Variants in ALKBH1 observed in about 807,000 individuals in gnomAD.
The protein encoded by ALKBH1 is nucleic acid dioxygenase ALKBH1.
Under a neutral mutation model 36.6 loss-of-function variants are expected in ALKBH1, and 31 were observed. The ratio of observed to expected loss-of-function variants is 0.85; its 90% CI spans 0.64 to 1.14. The LOEUF (loss-of-function observed/expected upper bound fraction) is 1.14. ALKBH1 is among the 50% of genes most tolerant of loss of function. The pLI is 0.00. For synonymous variants in ALKBH1, 183 were observed against 186.6 expected (o/e 0.98, Z 0.16); for missense variants, 490 against 497.3 (o/e 0.99, Z 0.14).
intron 2 of ALKBH1, among the ~76,000 whole-genome samples, chr14:77,703,661 G>A (rs1373434721): frequency 2.0e-5 from 3 of 147,644 alleles, no homozygotes; most frequent in Non-Finnish European, 3.0e-5. Flanking sequence ...GCAATGGCGC[G>A]ATCTTGGCTC....
chr14:77,690,509 G>A (rs1196368199), intron 3 of ALKBH1, among the ~76,000 whole-genome samples: 1 of 152,220 alleles, frequency 6.6e-6, no homozygotes, highest in Non-Finnish European at 1.5e-5. Context: ...TGCTATGAAG[G>A]GAGGCTGGTT....
rs2080189666 is a variant in ALKBH1 at position 77,673,883 on chromosome 14, T to C, written c.1099A>G (p.Thr367Ala). The change falls in exon 6 of 6, where the codon ACA becomes GCA. Residue 367 changes from threonine to alanine, a missense_variant. Coordinates refer to ENST00000216489, the MANE Select transcript of ALKBH1 (RefSeq NM_006020.3). ...PIEDEKRDIS[T>A]EGFCHLDDQN... ...TCATCCAGATGGCAGAAACCTTCTGTACTGATGTCTCTTTTTTCATCCTCG... is the reference window on the plus strand; with the variant it reads ...TCATCCAGATGGCAGAAACCTTCTGCACTGATGTCTCTTTTTTCATCCTCG... The C allele has an allele frequency of 6.2e-7, 1 of 1,614,252 alleles. No individual in the cohort carries two copies. The highest frequency in any genetic ancestry group is 8.5e-7 in the Non-Finnish European group (1 of 1,180,046).
At chr14:77,678,292 C>T (rs1288453191) in intron 4 of ALKBH1, among the ~76,000 whole-genome samples, 1 of 152,096 alleles carries the variant, frequency 6.6e-6, no homozygotes, top group Admixed American at 6.5e-5. Flanking sequence ...CATTTCCCCT[C>T]AAAAAATATC....
Position 77,700,033 on chromosome 14 carries a change from C to T in ALKBH1, c.292+4336G>A, listed in dbSNP as rs1031722995. ...TCACACCACTGCACTCCAGCCTGGG[C>T]GACAAGCAAGACTCTGTCTCAAAAA... On this transcript the variant is annotated intron_variant, in intron 2 of 5. Coordinates refer to ENST00000216489, the MANE Select transcript of ALKBH1 (RefSeq NM_006020.3). Among the ~76,000 whole-genome samples the T allele has an allele frequency of 5.3e-5, 8 of 151,614 alleles. No individual in the cohort carries two copies. The South Asian group carries it at 6.3e-4, about 12-fold the overall frequency.
chr14:77,693,723 C>T (rs1299254081), intron 3 of ALKBH1, among the ~76,000 whole-genome samples: 3 of 152,130 alleles, frequency 2.0e-5, no homozygotes, highest in African/African-American at 4.8e-5. Context: ...CTTGGTGGCT[C>T]ACGCCTGTAG....
chr14:77,695,323 G>A (rs914699655), intron 2 of ALKBH1, among the ~76,000 whole-genome samples: 4 of 152,212 alleles, frequency 2.6e-5, no homozygotes, highest in South Asian at 2.1e-4. Flanking sequence ...AATGAATGGC[G>A]TGCTCATTAT....
At chr14:77,707,681 T>A (rs1273936119) in intron 1 of ALKBH1, 141 bp downstream of exon 1, 1 of 924,540 alleles carries the variant, frequency 1.1e-6, no homozygotes, top group Non-Finnish European at 1.5e-6. Flanking sequence ...TAGTGGGGAG[T>A]TCGACTCTGC....
At chr14:77,692,988 C>T (rs1338942554) in intron 3 of ALKBH1, among the ~76,000 whole-genome samples, 1 of 151,636 alleles carries the variant, frequency 6.6e-6, no homozygotes, top group African/African-American at 2.4e-5. Flanking sequence ...GGCAGATCAC[C>T]TGAGGTCGGG....
chr14:77,697,452 C>A, intron 2 of ALKBH1: 1 of 159,778 alleles, frequency 6.3e-6, no homozygotes, highest in Non-Finnish European at 1.4e-5. Flanking sequence ...GGTGGTTGAA[C>A]TTGGAGGTGT....
intron 1 of ALKBH1, among the ~76,000 whole-genome samples, chr14:77,705,155 C>T (rs1025413275): frequency 2.0e-5 from 3 of 152,164 alleles, no homozygotes; most frequent in African/African-American, 7.2e-5. Flanking sequence ...TGGCTCACGC[C>T]TGTAATCCCA....
In ALKBH1 at chr14:77,674,032, G is replaced by C. The variant is rs892694885; in HGVS notation, c.950C>G (p.Ser317Ter). The change falls in exon 6 of 6, where the codon TCA becomes TGA. Residue 317 changes from serine to a stop codon, truncating the protein, a stop_gained. Transcript: ENST00000216489. LOFTEE classifies it high-confidence loss of function. ...APLPAVLPRD[S>*]MVEPCSMEDW... is the part of the protein sequence containing the mutation. ...CTCCATAGAACAAGGCTCTACCATTGAATCTCTCGGGAGGACAGCAGGGAG... is the reference window on the plus strand; with the variant it reads ...CTCCATAGAACAAGGCTCTACCATTCAATCTCTCGGGAGGACAGCAGGGAG... 38 of 1,614,192 alleles carry C rather than the reference G, an allele frequency of 2.4e-5. No homozygotes were observed. The highest frequency in any genetic ancestry group is 2.8e-5 in the Non-Finnish European group (33 of 1,180,034).
intron 4 of ALKBH1, 140 bp downstream of exon 4, chr14:77,679,740 T>C (rs1250989487): frequency 3.0e-6 from 2 of 668,724 alleles, no homozygotes; most frequent in Non-Finnish European, 5.0e-6. Context: ...CCAGTTGAGA[T>C]TTTTTAAGGA....
intron 3 of ALKBH1, among the ~76,000 whole-genome samples, chr14:77,687,059 G>C (rs765191297): frequency 6.6e-6 from 1 of 152,182 alleles, no homozygotes; most frequent in Non-Finnish European, 1.5e-5. Flanking sequence ...CAAATATTCA[G>C]TCTTATCTAA....
rs200488919 is a variant in ALKBH1, at chr14:77,703,593, C to CTTTTT, written c.292+771_292+775dup. ...TACAGGCGTGAGCTACTGCGTCCAG[C>CTTTTT]TTTTTTTTTTTTTTTTTTTTTGAGA... On this transcript the variant is annotated intron_variant, in intron 2 of 5. Coordinates refer to ENST00000216489, the MANE Select transcript of ALKBH1 (RefSeq NM_006020.3). Among the ~76,000 whole-genome samples, 307 of 112,828 alleles carry CTTTTT rather than the reference C, an allele frequency of 2.7e-3. 5 individuals are homozygous for CTTTTT. Among genetic ancestry groups the CTTTTT allele is most frequent in the East Asian group, 5.0e-3 (18 of 3,594 alleles). The allele number at this position is 112,828 out of a possible 152,430, so 74.0% of individuals were successfully genotyped here.
At position 77,675,758 on chromosome 14, in the gene ALKBH1, C is replaced by T. The variant is rs532846277; in HGVS notation, c.638G>A (p.Arg213Gln). The T allele has an allele frequency of 2.4e-5, 39 of 1,613,952 alleles. No individual in the cohort carries two copies. In the Middle Eastern group the frequency reaches 9.9e-4, roughly 41 times the overall value. ...VAAACGFEDF[R>Q]AEAGILNYYR... Reference sequence around the variant, plus strand: ...GTAATTCAGGATCCCTGCTTCAGCTCGGAAATCCTCAAATCCACAGGCAGC... The same window carrying T: ...GTAATTCAGGATCCCTGCTTCAGCTTGGAAATCCTCAAATCCACAGGCAGC... Residue 213 changes from arginine (R) to glutamine (Q), a missense_variant, in exon 5 of 6, where the codon CGA (arginine) becomes CAA (glutamine). Arg to Gln is a conservative substitution (Grantham distance 43). Transcript: ENST00000216489.
At chr14:77,681,640 T>TG (rs2080238729) in intron 3 of ALKBH1, among the ~76,000 whole-genome samples, 1 of 152,250 alleles carries the variant, frequency 6.6e-6, no homozygotes, top group Non-Finnish European at 1.5e-5. Context: ...ACTTGACTGA[T>TG]GGTCTGCTTA....
rs1031728379 is a variant in ALKBH1, at chr14:77,673,040, G to C, written c.*772C>G. ...AGACTAAACCCCAAAGACAGATATA[G>C]ATCTTTAATTTAAAATCAAGTGAGT... is the stretch of plus-strand genomic sequence containing the variant. On this transcript the variant is annotated 3_prime_UTR_variant, in exon 6 of 6. Transcript: ENST00000216489. 1.3e-5 allele frequency: 2 copies of C among 152,102 alleles called. No homozygotes were observed. 9.4% of individuals were successfully genotyped at this position (152,102 alleles called of 1,614,324 possible).
At chr14:77,691,052 C>T (rs373832822) in intron 3 of ALKBH1, among the ~76,000 whole-genome samples, 2 of 152,144 alleles carry the variant, frequency 1.3e-5, no homozygotes, top group African/African-American at 4.8e-5. Flanking sequence ...CTGTCCAACT[C>T]GGCCTCCCAA....
intron 2 of ALKBH1, among the ~76,000 whole-genome samples, chr14:77,700,122 A>G (rs2080351586): frequency 6.6e-6 from 1 of 152,172 alleles, no homozygotes; most frequent in African/African-American, 2.4e-5. Flanking sequence ...TCTCTGAACA[A>G]TATCATCAAT....
Sources: gnomAD v4.1 joint callset for allele counts (sites outside exome capture counted in the v4.1 genomes callset) on GRCh38, gnomAD v4.1.1 for gene constraint, MANE v1.5 for transcripts, NCBI Gene and HGNC (gene_info 2026-07-23, HGNC 2026-07-21) for gene names.